ACVR1C: variants seen among roughly 807,000 people sequenced by gnomAD.
ACVR1C encodes the protein activin receptor type-1C.
In ACVR1C, 23 loss-of-function variants were observed where a neutral mutation model predicts 57.9. That is an observed-to-expected ratio of 0.40 (90% CI 0.29 to 0.56). The LOEUF (loss-of-function observed/expected upper bound fraction) is 0.56. ACVR1C is among the 20% of genes least tolerant of loss of function. The probability of loss-of-function intolerance (pLI) is 0.50; values close to 1 mark genes in which losing one functional copy is unlikely to be tolerated. For missense variants in ACVR1C, 480 were observed against 607.9 expected, an observed-to-expected ratio of 0.79 and a Z score of 2.21; for synonymous variants, 214 against 215.3, an observed-to-expected ratio of 0.99 and a Z score of 0.05.
chr2:157,554,284 A>AAGGAAGGGAGG (rs1558975234), intron 3 of ACVR1C, among the ~76,000 whole-genome samples: 3 of 114,060 alleles, frequency 2.6e-5, no homozygotes, highest in African/African-American at 1.5e-4. Context: ...AGGAAGGAAG[A>AAGGAAGGGAGG]GAGAGAGAGA....
intron 1 of ACVR1C, among the ~76,000 whole-genome samples, chr2:157,596,777 T>C (rs1307453331): frequency 2.0e-5 from 3 of 152,174 alleles, no homozygotes; most frequent in African/African-American, 7.2e-5. Flanking sequence ...GTTTTTAAGA[T>C]CATTATTTAA....
At chr2:157,566,486 G>C (rs981554592) in intron 2 of ACVR1C, among the ~76,000 whole-genome samples, 1 of 152,186 alleles carries the variant, frequency 6.6e-6, no homozygotes, top group African/African-American at 2.4e-5. Flanking sequence ...GACAGTGGGC[G>C]CAGGCCAGTG....
At chr2:157,561,098 C>T (rs1688222580) in intron 2 of ACVR1C, among the ~76,000 whole-genome samples, 1 of 152,186 alleles carries the variant, frequency 6.6e-6, no homozygotes, top group Non-Finnish European at 1.5e-5. Flanking sequence ...CAGAGACCTT[C>T]ATCCAAACAA....
rs975950613 is a variant in ACVR1C at position 157,561,904 on chromosome 2, A to G, written c.305-5572T>C. 4.6e-5 allele frequency among the ~76,000 whole-genome samples: 7 copies of G among 152,240 alleles called. No individual in the cohort carries two copies. The East Asian group carries it at 1.3e-3, about 29-fold the overall frequency. On this transcript the variant is annotated intron_variant, in intron 2 of 8. Transcript: ENST00000243349. ...AGAAAAACTCTCCAGAGGAAATGCC[A>G]GAAAAGCAGGGCAGAGTCCACAACC... is the stretch of plus-strand genomic sequence containing the variant.
At chr2:157,608,061 C>T (rs1682445786) in intron 1 of ACVR1C, among the ~76,000 whole-genome samples, 1 of 151,708 alleles carries the variant, frequency 6.6e-6, no homozygotes, top group Non-Finnish European at 1.5e-5. Flanking sequence ...TGTCTTATTC[C>T]AGTTCTTAGA....
chr2:157,607,191 T>C (rs555784415), intron 1 of ACVR1C, among the ~76,000 whole-genome samples: 42 of 151,948 alleles, frequency 2.8e-4, no homozygotes, highest in Non-Finnish European at 5.9e-4. Context: ...TTTATACCAA[T>C]ACCATGCTGC....
At chr2:157,626,993 A>G (rs576867337) in intron 1 of ACVR1C, among the ~76,000 whole-genome samples, 42 of 152,282 alleles carry the variant, frequency 2.8e-4, no homozygotes, top group African/African-American at 9.9e-4. Context: ...CCTTTTCAAG[A>G]ACATGAGGCA....
chr2:157,597,692 C>T, intron 1 of ACVR1C: 1 of 403,278 alleles, frequency 2.5e-6, no homozygotes, highest in Non-Finnish European at 3.4e-6. Context: ...ATTTTTAAAA[C>T]CTGTGTGTCT....
At chr2:157,535,655 T>C (rs1407275798) in intron 8 of ACVR1C, among the ~76,000 whole-genome samples, 1 of 152,048 alleles carries the variant, frequency 6.6e-6, no homozygotes, top group African/African-American at 2.4e-5. Context: ...TAGTGGTGCA[T>C]GCCTGTAATC....
intron 2 of ACVR1C, among the ~76,000 whole-genome samples, chr2:157,563,920 A>G (rs1688299602): frequency 6.6e-6 from 1 of 152,264 alleles, no homozygotes; most frequent in African/African-American, 2.4e-5. Context: ...CATATGCAGA[A>G]AACTAAAACT....
At chr2:157,539,505 T>C (rs1687569781) in intron 7 of ACVR1C, among the ~76,000 whole-genome samples, 1 of 152,332 alleles carries the variant, frequency 6.6e-6, no homozygotes, top group East Asian at 1.9e-4. Flanking sequence ...TCTGCTAAAT[T>C]ACTATTTTTA....
chr2:157,584,382 TC>T lies in ACVR1C; in HGVS notation c.304+2804del, dbSNP rs567118352. Among the ~76,000 whole-genome samples the T allele has an allele frequency of 1.9e-3, 290 of 152,176 alleles. 2 individuals are homozygous for T. The highest frequency in any genetic ancestry group is 6.2e-3 in the African/African-American group (259 of 41,528). Reference sequence around the variant, plus strand: ...GCCTCCCAAAGTGCTGGGATTACAGTCGTGAGCCACCACACCTGACCAAAAA... The same window carrying T: ...GCCTCCCAAAGTGCTGGGATTACAGTGTGAGCCACCACACCTGACCAAAAA... On this transcript the variant is annotated intron_variant, in intron 2 of 8. Coordinates refer to ENST00000243349, the MANE Select transcript of ACVR1C (RefSeq NM_145259.3).
intron 1 of ACVR1C, among the ~76,000 whole-genome samples, chr2:157,620,949 C>CA (rs2105158423): frequency 6.6e-6 from 1 of 152,134 alleles, no homozygotes; most frequent in South Asian, 2.1e-4. Context: ...CATGAGATAA[C>CA]AACGACAAAA....
intron 2 of ACVR1C, among the ~76,000 whole-genome samples, chr2:157,559,798 A>G (rs1688193551): frequency 6.6e-6 from 1 of 152,136 alleles, no homozygotes; most frequent in African/African-American, 2.4e-5. Flanking sequence ...TATTTCCCCA[A>G]ATAAGCCCTA....
intron 1 of ACVR1C, among the ~76,000 whole-genome samples, chr2:157,614,826 T>C (rs146677723): frequency 6.6e-6 from 1 of 152,326 alleles, no homozygotes; most frequent in East Asian, 1.9e-4. Flanking sequence ...AGTTAGTGTG[T>C]GCATGGTATA....
chr2:157,584,319 T>C (rs61357840), intron 2 of ACVR1C, among the ~76,000 whole-genome samples: 1 of 152,230 alleles, frequency 6.6e-6, no homozygotes, highest in East Asian at 1.9e-4. Context: ...TTAGCCAGGA[T>C]GGTCTCGATC....
chr2:157,598,217 C>T lies in ACVR1C; in HGVS notation c.74-10800G>A, dbSNP rs555242939. On this transcript the variant is annotated intron_variant, in intron 1 of 8. Coordinates refer to ENST00000243349, the MANE Select transcript of ACVR1C (RefSeq NM_145259.3). ...AGAACATTGAAAAAAAAAAAAAAAGCATCCTCTATTACTATGATTTCAAAA... is the reference window on the plus strand; with the variant it reads ...AGAACATTGAAAAAAAAAAAAAAAGTATCCTCTATTACTATGATTTCAAAA... Among the ~76,000 whole-genome samples the T allele has an allele frequency of 5.8e-4, 77 of 132,190 alleles. 1 individual carries two copies. The highest frequency in any genetic ancestry group is 2.1e-3 in the African/African-American group (74 of 35,598). The allele number at this position is 132,190 out of a possible 152,430, so 86.7% of individuals were successfully genotyped here. A position where few individuals can be genotyped will look rare whatever the true frequency, so the allele number is the denominator to read the frequency against.
At chr2:157,597,482 C>A in intron 1 of ACVR1C, 1 of 985,448 alleles carries the variant, frequency 1.0e-6, no homozygotes, top group Non-Finnish European at 1.2e-6. Context: ...CCCAGCTTTC[C>A]GCTGGACCTT....
chr2:157,617,450 A>G (rs1004775908), intron 1 of ACVR1C, among the ~76,000 whole-genome samples: 9 of 152,026 alleles, frequency 5.9e-5, no homozygotes, highest in Non-Finnish European at 1.3e-4. Flanking sequence ...AAACTAATCT[A>G]TGGTGGAATA....
Sources: gnomAD v4.1 joint callset for allele counts (sites outside exome capture counted in the v4.1 genomes callset) on GRCh38, gnomAD v4.1.1 for gene constraint, MANE v1.5 for transcripts, NCBI Gene and HGNC (gene_info 2026-07-23, HGNC 2026-07-21) for gene names.